CADPS: variants seen among roughly 807,000 people sequenced by gnomAD.
CADPS encodes the protein calcium-dependent secretion activator 1.
A neutral mutation model predicts 167.3 loss-of-function variants in CADPS; 57 were observed. The ratio of observed to expected loss-of-function variants is 0.34; its 90% CI spans 0.28 to 0.42. The LOEUF (loss-of-function observed/expected upper bound fraction) is 0.42. CADPS is among the 20% of genes least tolerant of loss of function. The pLI is 1.00. For missense variants in CADPS, 1,414 were observed against 1,738.1 expected (o/e 0.81, Z 3.32); for synonymous variants, 676 against 635.3 (o/e 1.06, Z -0.96).
At chr3:62,694,953 G>T in intron 3 of CADPS, among the ~76,000 whole-genome samples, 1 of 152,148 alleles carries the variant, frequency 6.6e-6, no homozygotes, top group East Asian at 1.9e-4. Context: ...AGCAATCAAG[G>T]GTGGAAGTGG....
intron 1 of CADPS, among the ~76,000 whole-genome samples, chr3:62,841,387 C>A (rs1457466678): frequency 1.3e-5 from 2 of 152,104 alleles, no homozygotes; most frequent in African/African-American, 4.8e-5. Flanking sequence ...CTATCAGGTA[C>A]TTATTTTGGC....
intron 26 of CADPS, among the ~76,000 whole-genome samples, chr3:62,448,948 T>A (rs1173988060): frequency 6.6e-6 from 1 of 151,998 alleles, no homozygotes; most frequent in Non-Finnish European, 1.5e-5. Context: ...ACATTGATGA[T>A]GAGGAAAAGG....
At chr3:62,461,456 G>A (rs2059339714) in intron 26 of CADPS, among the ~76,000 whole-genome samples, 1 of 152,088 alleles carries the variant, frequency 6.6e-6, no homozygotes, top group Admixed American at 6.5e-5. Flanking sequence ...AGGACTCCTA[G>A]CTCAGCTGAG....
In CADPS at chr3:62,662,306, T is replaced by C; in HGVS notation, c.969+8A>G. ...GGACCCCAGCAAACAACCACAATGTTTCCTTACCCTGGCTATTTGGTCTGC... is the reference window on the plus strand; with the variant it reads ...GGACCCCAGCAAACAACCACAATGTCTCCTTACCCTGGCTATTTGGTCTGC... On this transcript the variant is annotated splice_region_variant and intron_variant, in intron 4 of 29. Transcript: ENST00000383710. 6.2e-7 allele frequency: 1 copy of C among 1,612,548 alleles called. No individual in the cohort carries two copies. Among genetic ancestry groups the C allele is most frequent in the African/African-American group, 1.3e-5 (1 of 74,986 alleles).
At chr3:62,644,568 A>G (rs370663845) in intron 6 of CADPS, among the ~76,000 whole-genome samples, 21 of 152,244 alleles carry the variant, frequency 1.4e-4, no homozygotes, top group Middle Eastern at 3.4e-3. Flanking sequence ...AAGGCCTAAC[A>G]ACTTCCTCAT....
chr3:62,460,899 G>A (rs561696745), intron 26 of CADPS, among the ~76,000 whole-genome samples: 20 of 152,298 alleles, frequency 1.3e-4, no homozygotes, highest in Admixed American at 1.2e-3. Context: ...TGGCTTCCAT[G>A]TTGTGTTGTG....
intron 28 of CADPS, among the ~76,000 whole-genome samples, chr3:62,419,831 A>G (rs951051548): frequency 6.6e-6 from 1 of 152,204 alleles, no homozygotes; most frequent in Non-Finnish European, 1.5e-5. Context: ...ACTCATGTAC[A>G]GAACGGAAAG....
At chr3:62,736,012 T>C (rs2152233603) in intron 3 of CADPS, among the ~76,000 whole-genome samples, 1 of 152,306 alleles carries the variant, frequency 6.6e-6, no homozygotes, top group Non-Finnish European at 1.5e-5. Context: ...CTGATCTCCC[T>C]GATTACCATA....
chr3:62,749,122 G>T (rs188224265), intron 3 of CADPS, among the ~76,000 whole-genome samples: 1 of 152,226 alleles, frequency 6.6e-6, no homozygotes, highest in African/African-American at 2.4e-5. Flanking sequence ...TGGATATTAT[G>T]TTGAGTATGA....
intron 16 of CADPS, chr3:62,513,822 T>C (rs1223456307): frequency 1.5e-6 from 1 of 668,580 alleles, no homozygotes; most frequent in Non-Finnish European, 2.6e-6. Context: ...CAGAGTATTT[T>C]GGGATAAACA....
At position 62,874,791 on chromosome 3, in the gene CADPS, G is replaced by C. The variant is rs1560049709; in HGVS notation, c.239C>G (p.Pro80Arg). ...CCGGCCGCCGCCAGCGCGGCTGCTG[G>C]GTTGCAGCCCCCCGGCCCCGCCGCC... ...SSGGGAGGLQ[P>R]SSRAGGGRPS... Residue 80 changes from proline (P) to arginine (R), a missense_variant, in exon 1 of 30, where the codon CCC becomes CGC. Pro to Arg is a moderately radical substitution (Grantham distance 103). Around this residue, in one of 6 missense-constraint regions of CADPS, gnomAD observed 522 missense variants for 559.5 expected, o/e 0.93. Coordinates refer to ENST00000383710, the MANE Select transcript of CADPS (RefSeq NM_003716.4). The surrounding 1 kb of genome is among the most constrained non-coding windows in gnomAD (Gnocchi z 7.1). 7.3e-7 allele frequency: 1 copy of C among 1,364,282 alleles called. No homozygotes were observed. 84.5% of individuals were successfully genotyped at this position (1,364,282 alleles called of 1,614,324 possible). A position where few individuals can be genotyped will look rare whatever the true frequency, so the allele number is the denominator to read the frequency against.
At chr3:62,687,384 C>T (rs1438524935) in intron 3 of CADPS, among the ~76,000 whole-genome samples, 2 of 152,016 alleles carry the variant, frequency 1.3e-5, no homozygotes, top group Non-Finnish European at 2.9e-5. Flanking sequence ...CTGCAAAATG[C>T]CATTTGATTC....
At chr3:62,556,994 AACACAC>A (rs56228621) in intron 10 of CADPS, among the ~76,000 whole-genome samples, 12,471 of 143,062 alleles carry the variant, frequency 0.087, 657 homozygotes, top group Non-Finnish European at 0.11. Context: ...GGTGAAAAAC[AACACAC>A]ACACACACAC....
chr3:62,574,614 T>C (rs1488911417), intron 8 of CADPS, among the ~76,000 whole-genome samples: 1 of 152,134 alleles, frequency 6.6e-6, no homozygotes, highest in African/African-American at 2.4e-5. Context: ...TAAATAGACA[T>C]AAGAGGGAGG....
chr3:62,619,704 C>T (rs749941321), intron 6 of CADPS, among the ~76,000 whole-genome samples: 22 of 152,076 alleles, frequency 1.4e-4, no homozygotes, highest in African/African-American at 5.3e-4. Context: ...ATGTCCCATC[C>T]GCCTCTTTGG....
Position 62,557,569 on chromosome 3 carries a change from A to C in CADPS, c.1645-56T>G. 16 of 1,365,926 alleles carry C rather than the reference A, an allele frequency of 1.2e-5. No homozygotes were observed. The South Asian group carries it at 1.6e-4, about 14-fold the overall frequency. The allele number at this position is 1,365,926 out of a possible 1,614,324, so 84.6% of individuals were successfully genotyped here. On this transcript the variant is annotated intron_variant, in intron 9 of 29. Coordinates refer to ENST00000383710, the MANE Select transcript of CADPS (RefSeq NM_003716.4). ...CCCCTGGAGCCTGTCTTCTCCAAAA[A>C]ACCCTCCCCCATGTTCTCTCCTCTG... is the stretch of plus-strand genomic sequence containing the variant.
intron 13 of CADPS, among the ~76,000 whole-genome samples, chr3:62,521,688 C>T (rs906610827): frequency 2.0e-5 from 3 of 152,200 alleles, no homozygotes; most frequent in Admixed American, 1.3e-4. Flanking sequence ...CTCACGCTCT[C>T]GTGTCCTGAC....
chr3:62,483,673 G>A (rs970457104), intron 21 of CADPS, among the ~76,000 whole-genome samples: 2 of 152,100 alleles, frequency 1.3e-5, no homozygotes, highest in Non-Finnish European at 2.9e-5. Context: ...TTAACTATAT[G>A]ACTATTAAAC....
intron 4 of CADPS, among the ~76,000 whole-genome samples, chr3:62,654,229 A>G (rs1292032754): frequency 6.6e-6 from 1 of 152,194 alleles, no homozygotes; most frequent in Non-Finnish European, 1.5e-5. Flanking sequence ...TATATGGTAC[A>G]GAGTTAGGCA....
Sources: allele counts gnomAD v4.1 joint callset (sites outside exome capture counted in the v4.1 genomes callset), GRCh38; gene constraint gnomAD v4.1.1; regional missense constraint gnomAD v4.1.1; non-coding constraint Gnocchi (gnomAD v3.1); transcripts MANE v1.5; gene names NCBI Gene and HGNC (gene_info 2026-07-23, HGNC 2026-07-21).